ZPBP: variants seen among roughly 807,000 people sequenced by gnomAD.
ZPBP encodes the protein zona pellucida binding protein, also known as zona pellucida-binding protein 1.
In ZPBP, 26 loss-of-function variants were observed where a neutral mutation model predicts 44.8. That is an observed-to-expected ratio of 0.58 (90% CI 0.43 to 0.81). The LOEUF (loss-of-function observed/expected upper bound fraction) is 0.81, where lower values mean the gene tolerates loss of function less well. ZPBP is among the 30% of genes least tolerant of loss of function. The pLI is 0.00. For missense variants in ZPBP, 409 were observed against 434.0 expected, an observed-to-expected ratio of 0.94 and a Z score of 0.51; for synonymous variants, 174 against 153.2, an observed-to-expected ratio of 1.14 and a Z score of -1.00.
intron 3 of ZPBP, among the ~76,000 whole-genome samples, chr7:50,062,765 G>A (rs1479627103): frequency 6.6e-6 from 1 of 152,090 alleles, no homozygotes; most frequent in African/African-American, 2.4e-5. Flanking sequence ...AGGACACCAA[G>A]TTAACAACTA....
At chr7:50,089,770 T>A (rs772875395) in intron 1 of ZPBP, 61 bp from the exon 2 acceptor site, 5 of 1,295,560 alleles carry the variant, frequency 3.9e-6, no homozygotes, top group Non-Finnish European at 5.5e-6. Context: ...TCAAATATAC[T>A]ATTACAGTAT....
chr7:49,937,526 G>C lies in ZPBP; in HGVS notation c.*2C>G. On this transcript the variant is annotated 3_prime_UTR_variant, in exon 8 of 8. Transcript: ENST00000046087. ...AACCACTGAATAACTGAAGATAATG[G>C]CTTATAAGCACGTTTTTGCTCCATA... 6.2e-7 allele frequency: 1 copy of C among 1,608,924 alleles called. No homozygotes were observed. Among genetic ancestry groups the C allele is most frequent in the Non-Finnish European group, 8.5e-7 (1 of 1,175,522 alleles).
chr7:49,899,568 T>C (rs1383949301), intron 2 of ZPBP, among the ~76,000 whole-genome samples: 1 of 151,982 alleles, frequency 6.6e-6, no homozygotes, highest in Non-Finnish European at 1.5e-5. Context: ...AGGAAAGTTA[T>C]CAGCCAGAGG....
intron 1 of ZPBP, among the ~76,000 whole-genome samples, chr7:49,931,929 T>C (rs547583835): frequency 6.6e-6 from 1 of 152,356 alleles, no homozygotes; most frequent in East Asian, 1.9e-4. Context: ...ACAGGGCCAA[T>C]GTACACCTCA....
chr7:49,990,411 A>G (rs1051922894), intron 6 of ZPBP, among the ~76,000 whole-genome samples: 4 of 152,214 alleles, frequency 2.6e-5, no homozygotes, highest in African/African-American at 7.2e-5. Context: ...GATGAAAGAA[A>G]GAGGGATGCC....
intron 1 of ZPBP, among the ~76,000 whole-genome samples, chr7:49,905,970 A>G (rs1793065103): frequency 6.6e-6 from 1 of 152,204 alleles, no homozygotes; most frequent in Non-Finnish European, 1.5e-5. Flanking sequence ...ATATGGTCTA[A>G]AAAGGGGAGG....
intron 3 of ZPBP, among the ~76,000 whole-genome samples, chr7:50,059,354 C>T (rs1459377383): frequency 1.3e-5 from 2 of 152,150 alleles, no homozygotes; most frequent in East Asian, 3.9e-4. Flanking sequence ...GAGAAATGAA[C>T]AGATGAATAT....
chr7:49,841,223 G>A, the ZPBP span, among the ~76,000 whole-genome samples: 1 of 152,024 alleles, frequency 6.6e-6, no homozygotes, highest in Non-Finnish European at 1.5e-5. Context: ...ACTATTCCCT[G>A]TTTGCAGAGA....
downstream of ZPBP, among the ~76,000 whole-genome samples, chr7:49,846,808 A>C (rs1269403541): frequency 1.3e-5 from 2 of 152,170 alleles, no homozygotes; most frequent in Non-Finnish European, 2.9e-5. Context: ...TACATATGTA[A>C]ATTTCCCCAG....
chr7:49,941,908 C>CA (rs1794901482), intron 7 of ZPBP, among the ~76,000 whole-genome samples: 1 of 152,140 alleles, frequency 6.6e-6, no homozygotes, highest in Non-Finnish European at 1.5e-5. Flanking sequence ...GCCAAAAAGA[C>CA]AGACATACAG....
Position 50,031,256 on chromosome 7 carries a change from G to C in ZPBP, c.542C>G (p.Pro181Arg). The part of the protein sequence containing the change: ...YQFTARYHAA[P>R]CNSIYNISFE... Reference sequence around the variant, plus strand: ...AGAAATATTATAAATGCTATTGCAGGGAGCTGCATGATATCGAGCTGTGAA... The same window carrying C: ...AGAAATATTATAAATGCTATTGCAGCGAGCTGCATGATATCGAGCTGTGAA... Residue 181 changes from proline to arginine, a missense_variant, in exon 5 of 8, where the codon CCC becomes CGC. Around this residue, in one of 2 missense-constraint regions of ZPBP, gnomAD observed 367 missense variants for 363.1 expected, o/e 1.01. Coordinates refer to ENST00000046087, the MANE Select transcript of ZPBP (RefSeq NM_007009.3). The C allele has an allele frequency of 6.2e-7, 1 of 1,612,220 alleles. No homozygotes were observed. Among genetic ancestry groups the C allele is most frequent in the Admixed American group, 1.7e-5 (1 of 59,974 alleles).
chr7:50,069,820 CCT>C (rs1801743101), intron 3 of ZPBP, among the ~76,000 whole-genome samples: 1 of 152,162 alleles, frequency 6.6e-6, no homozygotes, highest in Admixed American at 6.5e-5. Context: ...CGTGCCTTCC[CCT>C]GTCATAGCCT....
At chr7:49,937,770 G>T in intron 7 of ZPBP, 148 bp from the exon 8 acceptor site, 1 of 648,260 alleles carries the variant, frequency 1.5e-6, no homozygotes, top group Non-Finnish European at 2.7e-6. Flanking sequence ...TTTTCATCTT[G>T]CAAAACTGCA....
intron 2 of ZPBP, among the ~76,000 whole-genome samples, chr7:49,854,961 T>C (rs519620): frequency 6.6e-6 from 1 of 152,140 alleles, no homozygotes; most frequent in Non-Finnish European, 1.5e-5. Context: ...CTGACAAATA[T>C]GGCTTTTGTC....
intron 6 of ZPBP, among the ~76,000 whole-genome samples, chr7:49,990,264 G>A (rs1266900183): frequency 4.6e-5 from 7 of 152,222 alleles, no homozygotes; most frequent in Non-Finnish European, 8.8e-5. Flanking sequence ...GCTACTGACA[G>A]CAGAGGGGAT....
intron 7 of ZPBP, among the ~76,000 whole-genome samples, chr7:49,967,897 T>C (rs1457853297): frequency 6.6e-6 from 1 of 152,136 alleles, no homozygotes; most frequent in Non-Finnish European, 1.5e-5. Flanking sequence ...GCAGGAATTT[T>C]TGAGAGCCAC....
intron 3 of ZPBP, among the ~76,000 whole-genome samples, chr7:50,067,979 T>C (rs1346188286): frequency 6.6e-6 from 1 of 152,216 alleles, no homozygotes; most frequent in Non-Finnish European, 1.5e-5. Context: ...AGAACCTCTA[T>C]GGCCTCCCTT....
chr7:50,007,847 T>A (rs1366083653), intron 6 of ZPBP, among the ~76,000 whole-genome samples: 1 of 151,814 alleles, frequency 6.6e-6, no homozygotes, highest in Non-Finnish European at 1.5e-5. Context: ...CTAAAAAAAC[T>A]TCAGAATAAA....
chr7:50,090,475 TTGTGTGTG>T (rs61591297), intron 1 of ZPBP, among the ~76,000 whole-genome samples: 12 of 150,360 alleles, frequency 8.0e-5, no homozygotes, highest in South Asian at 2.1e-4. Flanking sequence ...ATATTTATGT[TTGTGTGTG>T]TGTGTGTGTA....
Sources: gnomAD v4.1 joint callset for allele counts (sites outside exome capture counted in the v4.1 genomes callset) on GRCh38, gnomAD v4.1.1 for gene constraint, gnomAD v4.1.1 regional missense constraint, MANE v1.5 for transcripts, NCBI Gene and HGNC (gene_info 2026-07-23, HGNC 2026-07-21) for gene names.